Variants in RAB2A observed in about 807,000 individuals in gnomAD.
The protein encoded by RAB2A is ras-related protein Rab-2A.
RAB2A carries 7 observed loss-of-function variants against 32.5 expected under a neutral mutation model. The ratio of observed to expected loss-of-function variants is 0.22; its 90% CI spans 0.12 to 0.40. The LOEUF (loss-of-function observed/expected upper bound fraction) is 0.40. RAB2A is among the 10% of genes least tolerant of loss of function. The pLI is 1.00. For synonymous variants in RAB2A, 79 were observed against 85.2 expected, an observed-to-expected ratio of 0.93 and a Z score of 0.40; for missense variants, 108 against 260.7, an observed-to-expected ratio of 0.41 and a Z score of 4.03.
chr8:60,546,765 A>C (rs907171062), intron 1 of RAB2A, among the ~76,000 whole-genome samples: 2 of 152,104 alleles, frequency 1.3e-5, no homozygotes, highest in African/African-American at 4.8e-5. Flanking sequence ...AAGGCCAAGT[A>C]GTTTTTCCAA....
chr8:60,573,600 C>G (rs1808227408), intron 3 of RAB2A, among the ~76,000 whole-genome samples: 1 of 152,148 alleles, frequency 6.6e-6, no homozygotes, highest in South Asian at 2.1e-4. Context: ...TACTATTTCT[C>G]AAGGATTTCC....
At chr8:60,549,421 C>G (rs544406176) in intron 1 of RAB2A, among the ~76,000 whole-genome samples, 4 of 151,946 alleles carry the variant, frequency 2.6e-5, no homozygotes, top group Non-Finnish European at 4.4e-5. Context: ...GCGGATCACT[C>G]GCGGTTAGGA....
At chr8:60,547,680 G>C (rs79661073) in intron 1 of RAB2A, among the ~76,000 whole-genome samples, 1 of 119,794 alleles carries the variant, frequency 8.3e-6, no homozygotes, top group African/African-American at 3.0e-5. Context: ...CCTCCCGGAC[G>C]GGGCGGCTGG....
upstream of RAB2A, chr8:60,516,951 G>C: frequency 2.6e-6 from 1 of 379,526 alleles, no homozygotes; most frequent in Non-Finnish European, 4.7e-6. Flanking sequence ...TTCCGGGTCG[G>C]CGCGGAGGCG....
intron 1 of RAB2A, chr8:60,551,950 A>G (rs1250681713): frequency 8.1e-6 from 1 of 123,924 alleles, no homozygotes; most frequent in Non-Finnish European, 1.6e-5. Flanking sequence ...TGCAGCTTCC[A>G]CTTCTCGGGT....
intron 1 of RAB2A, among the ~76,000 whole-genome samples, chr8:60,518,643 A>G (rs908574586): frequency 6.7e-6 from 1 of 148,840 alleles, no homozygotes; most frequent in African/African-American, 2.5e-5. Context: ...TTGCTGCCTG[A>G]AAGAAAAAAT....
rs529690308 is a variant in RAB2A, at chr8:60,535,388, C to T, written c.46+18135C>T. Among the ~76,000 whole-genome samples, 7 of 152,264 alleles carry T rather than the reference C, an allele frequency of 4.6e-5. 1 individual carries two copies. Among genetic ancestry groups the T allele is most frequent in the South Asian group, 2.1e-4 (1 of 4,830 alleles). On this transcript the variant is annotated intron_variant, in intron 1 of 7. Coordinates refer to ENST00000262646, the MANE Select transcript of RAB2A (RefSeq NM_002865.3). ...GTATCCTTCCAGAAATTTTCTGTAC[C>T]TCTATAAGCCTGTGTGTGTGTACAT...
At chr8:60,566,276 G>T (rs1808111889) in intron 2 of RAB2A, among the ~76,000 whole-genome samples, 1 of 152,112 alleles carries the variant, frequency 6.6e-6, no homozygotes, top group African/African-American at 2.4e-5. Flanking sequence ...TGCTTCTACT[G>T]CAGCTCATTC....
chr8:60,560,327 G>A (rs755279170), intron 2 of RAB2A, among the ~76,000 whole-genome samples: 7 of 152,300 alleles, frequency 4.6e-5, no homozygotes, highest in South Asian at 2.1e-4. Context: ...GGGCTCAGGC[G>A]ATCTGCCGGC....
intron 2 of RAB2A, among the ~76,000 whole-genome samples, chr8:60,559,949 G>A (rs1192703316): frequency 3.9e-5 from 6 of 152,194 alleles, no homozygotes; most frequent in Non-Finnish European, 8.8e-5. Context: ...ATAGTACTTT[G>A]TGGATATATT....
intron 4 of RAB2A, 85 bp from the exon 5 acceptor site, chr8:60,584,638 G>A: frequency 3.5e-6 from 4 of 1,156,088 alleles, no homozygotes; most frequent in Non-Finnish European, 5.0e-6. Context: ...GCTAAAAGTG[G>A]TTCTCTTTAA....
Position 60,558,833 on chromosome 8 carries a change from A to T in RAB2A, c.47-19A>T, listed in dbSNP as rs777241877. The stretch of plus-strand genomic sequence containing the variant: ...TTTCTGTGAATTTTGTCTCTTATTT[A>T]TTTTTTTTTAACTTTCAGGTGTTGG... On this transcript the variant is annotated intron_variant, in intron 1 of 7. Transcript: ENST00000262646. 3.8e-6 allele frequency: 6 copies of T among 1,559,550 alleles called. No homozygotes were observed. The highest frequency in any genetic ancestry group is 1.4e-5 in the African/African-American group (1 of 73,270).
chr8:60,606,913 T>C (rs549253813), intron 6 of RAB2A, among the ~76,000 whole-genome samples: 7 of 152,308 alleles, frequency 4.6e-5, no homozygotes, highest in African/African-American at 1.7e-4. Context: ...TCCTGGAAAG[T>C]CTCTGAAATG....
intron 2 of RAB2A, among the ~76,000 whole-genome samples, chr8:60,567,125 T>C (rs1808126975): frequency 6.6e-6 from 1 of 151,490 alleles, no homozygotes; most frequent in African/African-American, 2.4e-5. Flanking sequence ...TTTTCTTTTT[T>C]TTTTTTTTTG....
At chr8:60,553,784 G>C (rs1807893861) in intron 1 of RAB2A, among the ~76,000 whole-genome samples, 1 of 152,160 alleles carries the variant, frequency 6.6e-6, no homozygotes, top group African/African-American at 2.4e-5. Flanking sequence ...GGCTGAAATT[G>C]ATTCATTCAT....
At chr8:60,597,099 A>G (rs759007160) in intron 6 of RAB2A, among the ~76,000 whole-genome samples, 2 of 152,206 alleles carry the variant, frequency 1.3e-5, no homozygotes, top group East Asian at 1.9e-4. Context: ...TACTGAGTAT[A>G]TACCAAAAGT....
intron 1 of RAB2A, among the ~76,000 whole-genome samples, chr8:60,536,922 TG>T (rs1359551791): frequency 3.9e-5 from 6 of 152,238 alleles, no homozygotes; most frequent in Non-Finnish European, 7.3e-5. Flanking sequence ...TGCCAACAAA[TG>T]ATTCAGTCAG....
intron 1 of RAB2A, among the ~76,000 whole-genome samples, chr8:60,518,454 G>C (rs971001359): frequency 6.6e-6 from 1 of 151,982 alleles, no homozygotes; most frequent in Non-Finnish European, 1.5e-5. Flanking sequence ...TCAGGAGTTC[G>C]AGACCTGCTT....
At chr8:60,596,386 T>C (rs925983115) in intron 6 of RAB2A, among the ~76,000 whole-genome samples, 15 of 152,184 alleles carry the variant, frequency 9.9e-5, no homozygotes, top group African/African-American at 3.6e-4. Context: ...AGAAAAATTT[T>C]GCAATCTATC....
Sources: allele counts gnomAD v4.1 joint callset (sites outside exome capture counted in the v4.1 genomes callset), GRCh38; gene constraint gnomAD v4.1.1; transcripts MANE v1.5; gene names NCBI Gene and HGNC (gene_info 2026-07-23, HGNC 2026-07-21).